Variants in IQCH observed in about 807,000 individuals in gnomAD.
The protein encoded by IQCH is IQ motif containing H, also known as IQ domain-containing protein H.
A neutral mutation model predicts 117.0 loss-of-function variants in IQCH; 98 were observed. The ratio of observed to expected loss-of-function variants is 0.84; its 90% confidence interval spans 0.71 to 0.99. The LOEUF (loss-of-function observed/expected upper bound fraction) is 0.99, where lower values mean the gene tolerates loss of function less well. Among genes scored for constraint, IQCH ranks in the 50% least tolerant of loss-of-function variants. The pLI is 0.00. For missense variants in IQCH, 1,102 were observed against 1,243.8 expected (o/e 0.89, Z 1.72); for synonymous variants, 412 against 448.2 (o/e 0.92, Z 1.02).
chr15:67,478,112 C>T (rs375171368), intron 18 of IQCH, among the ~76,000 whole-genome samples: 78 of 152,058 alleles, frequency 5.1e-4, no homozygotes, highest in African/African-American at 1.7e-3. Flanking sequence ...AGGCTGGGCA[C>T]GGTGGCTCAT....
At chr15:67,383,321 A>T (rs1971002844) in intron 10 of IQCH, among the ~76,000 whole-genome samples, 2 of 152,196 alleles carry the variant, frequency 1.3e-5, no homozygotes, top group Non-Finnish European at 2.9e-5. Context: ...ATCAGTGGTA[A>T]CAGAGGTCCC....
chr15:67,439,120 G>A (rs889196931), intron 16 of IQCH, among the ~76,000 whole-genome samples: 14 of 152,060 alleles, frequency 9.2e-5, no homozygotes, highest in East Asian at 1.9e-4. Context: ...ATTCAACAGC[G>A]CATGGAACTT....
At position 67,453,855 on chromosome 15, in the gene IQCH, G is replaced by A. The variant is rs2082593901; in HGVS notation, c.2506-11272G>A. ...TACAGAGGCAGGCAGGCCTCCTTGA[G>A]CTGTGATGGGCTCCACCCAGTTCAA... is the stretch of plus-strand genomic sequence containing the variant. On this transcript the variant is annotated intron_variant, in intron 16 of 20. Coordinates refer to ENST00000335894, the MANE Select transcript of IQCH (RefSeq NM_001031715.3). This position sits in a 1 kb window ranked among gnomAD's most constrained non-coding sequence, Gnocchi z 5.8. Among the ~76,000 whole-genome samples the A allele has an allele frequency of 6.6e-6, 1 of 152,260 alleles. No individual in the cohort carries two copies. The highest frequency in any genetic ancestry group is 2.1e-4 in the South Asian group (1 of 4,838).
Position 67,421,455 on chromosome 15 carries a change from G to T in IQCH, c.2383G>T (p.Asp795Tyr). 6.2e-7 allele frequency: 1 copy of T among 1,614,170 alleles called. No homozygotes were observed. The highest frequency in any genetic ancestry group is 8.5e-7 in the Non-Finnish European group (1 of 1,180,018). Residue 795 changes from aspartate to tyrosine, a missense_variant, in exon 16 of 21, where the codon GAT becomes TAT. Asp to Tyr is a radical substitution (Grantham distance 160). This residue lies in a region of IQCH where 650 missense variants were observed against 794.3 expected (regional missense o/e 0.82). Coordinates refer to ENST00000335894, the MANE Select transcript of IQCH (RefSeq NM_001031715.3). The part of the protein sequence containing the change: ...SGTTVPQTSV[D>Y]PQVLTYLCLQ... ...TACCACCGTGCCTCAGACCTCAGTG[G>T]ATCCCCAAGTTCTCACTTATTTGTG...
rs1596265499 is a variant in IQCH, at chr15:67,365,897, A to G, written c.753+6012A>G. ...GTGAGCTGAGATTGCACCACTGCAC[A>G]CTAGCCTGGGCAGCAGAGGAAGACT... On this transcript the variant is annotated intron_variant, in intron 8 of 20. Coordinates refer to ENST00000335894, the MANE Select transcript of IQCH (RefSeq NM_001031715.3). This position sits in a 1 kb window ranked among gnomAD's most constrained non-coding sequence, Gnocchi z 4.4. 6.6e-6 allele frequency among the ~76,000 whole-genome samples: 1 copy of G among 152,168 alleles called. No individual in the cohort carries two copies. The highest frequency in any genetic ancestry group is 1.9e-4 in the East Asian group (1 of 5,186).
Position 67,390,231 on chromosome 15 carries a change from A to G in IQCH, c.1632+1225A>G, listed in dbSNP as rs993846488. Among the ~76,000 whole-genome samples, 1 of 152,136 alleles carries G rather than the reference A, an allele frequency of 6.6e-6. No individual in the cohort carries two copies. The highest frequency in any genetic ancestry group is 1.5e-5 in the Non-Finnish European group (1 of 68,028). The stretch of plus-strand genomic sequence containing the variant: ...AGAATTTCTTTGGTGCTTCCTAGTT[A>G]TTGCTTGGCCTCAATGACATAGTTA... On this transcript the variant is annotated intron_variant, in intron 12 of 20. Transcript: ENST00000335894. This position sits in a 1 kb window ranked among gnomAD's most constrained non-coding sequence, Gnocchi z 5.0.
At chr15:67,410,924 G>A (rs1432036074) in intron 14 of IQCH, among the ~76,000 whole-genome samples, 1 of 152,128 alleles carries the variant, frequency 6.6e-6, no homozygotes, top group African/African-American at 2.4e-5. Flanking sequence ...TAGCAATTGG[G>A]TTTGAATCCC....
chr15:67,346,494 CAT>C (rs1969397260), intron 6 of IQCH, among the ~76,000 whole-genome samples: 1 of 152,188 alleles, frequency 6.6e-6, no homozygotes. Flanking sequence ...CTAGATCCCT[CAT>C]ATGTGCAGTT....
chr15:67,423,645 G>A (rs2081808289), intron 16 of IQCH, among the ~76,000 whole-genome samples: 1 of 151,192 alleles, frequency 6.6e-6, no homozygotes, highest in Non-Finnish European at 1.5e-5. Context: ...GCTCACGCCT[G>A]TAATACCAGC....
intron 6 of IQCH, among the ~76,000 whole-genome samples, chr15:67,350,245 C>T (rs922432495): frequency 2.0e-5 from 3 of 152,058 alleles, no homozygotes; most frequent in Non-Finnish European, 2.9e-5. Context: ...ATGCATTATG[C>T]GAAGTGAAAG....
intron 4 of IQCH, among the ~76,000 whole-genome samples, chr15:67,322,804 C>CCA (rs111935221): frequency 1 from 152,291 of 152,302 alleles, 76,140 homozygotes; most frequent in Middle Eastern, 1. Context: ...TTCCCCACCA[C>CCA]CAGTTGGGTG....
intron 4 of IQCH, among the ~76,000 whole-genome samples, chr15:67,311,999 G>A (rs139287404): frequency 6.6e-6 from 1 of 152,154 alleles, no homozygotes; most frequent in Admixed American, 6.6e-5. Flanking sequence ...CTGCTAACAG[G>A]ACTAGGCCTG....
At chr15:67,290,251 G>A (rs2140500331) in intron 4 of IQCH, among the ~76,000 whole-genome samples, 1 of 152,158 alleles carries the variant, frequency 6.6e-6, no homozygotes, top group Non-Finnish European at 1.5e-5. Context: ...GGTGACACCA[G>A]CTCTCCATAG....
chr15:67,444,589 A>T lies in IQCH; in HGVS notation c.2506-20538A>T, dbSNP rs2414956. Among the ~76,000 whole-genome samples, 1,397 of 152,342 alleles carry T rather than the reference A, an allele frequency of 9.2e-3. 33 individuals are homozygous for T. The highest frequency in any genetic ancestry group is 0.032 in the African/African-American group (1,336 of 41,586). ...CAAGGTGGGAGGTGATGGGGACAACAGGTAGAGTCATTCCCATCTAGCTGG... is the reference window on the plus strand; with the variant it reads ...CAAGGTGGGAGGTGATGGGGACAACTGGTAGAGTCATTCCCATCTAGCTGG... On this transcript the variant is annotated intron_variant, in intron 16 of 20. Coordinates refer to ENST00000335894, the MANE Select transcript of IQCH (RefSeq NM_001031715.3).
At chr15:67,312,302 G>A (rs1434272196) in intron 4 of IQCH, among the ~76,000 whole-genome samples, 2 of 152,042 alleles carry the variant, frequency 1.3e-5, no homozygotes, top group African/African-American at 2.4e-5. Flanking sequence ...CAGTATAATA[G>A]GTTCCCATGT....
chr15:67,426,877 T>C lies in IQCH; in HGVS notation c.2505+5300T>C, dbSNP rs1361537298. Among the ~76,000 whole-genome samples, 2 of 151,924 alleles carry C rather than the reference T, an allele frequency of 1.3e-5. No homozygotes were observed. The highest frequency in any genetic ancestry group is 1.3e-4 in the Admixed American group (2 of 15,246). On this transcript the variant is annotated intron_variant, in intron 16 of 20. Coordinates refer to ENST00000335894, the MANE Select transcript of IQCH (RefSeq NM_001031715.3). This position sits in a 1 kb window ranked among gnomAD's most constrained non-coding sequence, Gnocchi z 5.1. ...GGCACTCATCTGTGATTCCAGCTATTTGAGAGGCTGAGGTAGGAGGATTGC... is the reference window on the plus strand; with the variant it reads ...GGCACTCATCTGTGATTCCAGCTATCTGAGAGGCTGAGGTAGGAGGATTGC...
chr15:67,410,195 GT>G (rs2081412358), intron 14 of IQCH, among the ~76,000 whole-genome samples: 1 of 152,204 alleles, frequency 6.6e-6, no homozygotes, highest in Admixed American at 6.5e-5. Context: ...AGTTTAAAAT[GT>G]TTTAAGTTTC....
At chr15:67,357,516 T>G (rs910898346) in intron 7 of IQCH, 95 bp downstream of exon 7, 3 of 816,664 alleles carry the variant, frequency 3.7e-6, no homozygotes, top group African/African-American at 3.4e-5. Context: ...AGTTGTACCT[T>G]CAACATAGAA....
chr15:67,290,222 CTGAA>C (rs1966705201), intron 4 of IQCH, among the ~76,000 whole-genome samples: 1 of 152,012 alleles, frequency 6.6e-6, no homozygotes. Flanking sequence ...TTTTCAGTAC[CTGAA>C]TGATTATATA....
Sources: allele counts gnomAD v4.1 joint callset (sites outside exome capture counted in the v4.1 genomes callset), GRCh38; gene constraint gnomAD v4.1.1; regional missense constraint gnomAD v4.1.1; non-coding constraint Gnocchi (gnomAD v3.1); transcripts MANE v1.5; gene names NCBI Gene and HGNC (gene_info 2026-07-23, HGNC 2026-07-21).